The following APOB variants were observed in gnomAD, a reference collection of about 807,000 sequenced individuals.
APOB encodes apolipoprotein B-100.
A neutral mutation model predicts 314.1 loss-of-function variants in APOB; 153 were observed. The ratio of observed to expected loss-of-function variants is 0.49; its 90% CI spans 0.43 to 0.56. APOB has a LOEUF of 0.56. APOB is among the 20% of genes least tolerant of loss of function. The pLI, the probability that APOB is intolerant of heterozygous loss-of-function variation, is 0.00. For missense variants in APOB, 5,430 were observed against 5,350.7 expected, an observed-to-expected ratio of 1.01 and a Z score of -0.46; for synonymous variants, 2,087 against 2,036.4, an observed-to-expected ratio of 1.02 and a Z score of -0.67.
intron 4 of APOB, among the ~76,000 whole-genome samples, chr2:21,040,647 T>C (rs891252666): frequency 6.6e-6 from 1 of 152,170 alleles, no homozygotes; most frequent in Admixed American, 6.5e-5. Context: ...GACTAGTTCT[T>C]TAAATAAGAA....
At chr2:21,043,455 G>C in intron 2 of APOB, 58 bp downstream of exon 2, 1 of 1,560,078 alleles carries the variant, frequency 6.4e-7, no homozygotes, top group African/African-American at 1.4e-5. Context: ...AGGGACCCGG[G>C]TGTAGGAGAG....
At position 21,037,958 on chromosome 2, in the gene APOB, C is replaced by T; in HGVS notation, c.537G>A (p.Leu179=). 2 of 1,614,190 alleles carry T rather than the reference C, an allele frequency of 1.2e-6. No homozygotes were observed. The highest frequency in any genetic ancestry group is 1.7e-6 in the Non-Finnish European group (2 of 1,180,038). ...TGCTATCAGCTTTCTAAATCCTCAC[C>T]AGAAACAACACTTGCTTGGCTTCTT... The part of the protein sequence containing the change: ...ETEEAKQVLF[L]DTVYGNCSTH... The change falls in exon 5 of 29, where the codon CTG becomes CTA. Residue 179 remains leucine (L), a splice_region_variant and synonymous_variant. Transcript: ENST00000233242.
chr2:21,032,330 G>T, intron 10 of APOB, 24 bp downstream of exon 10: 1 of 1,600,460 alleles, frequency 6.2e-7, no homozygotes, highest in Non-Finnish European at 8.5e-7. Flanking sequence ...CTCCTAGGAG[G>T]AGAAATACAG....
At chr2:21,032,939 G>A (rs1222407700) in intron 9 of APOB, among the ~76,000 whole-genome samples, 1 of 152,056 alleles carries the variant, frequency 6.6e-6, no homozygotes, top group Non-Finnish European at 1.5e-5. Flanking sequence ...TGCCTTGAAG[G>A]GTAGAGAAAT....
In APOB at chr2:21,002,871, A is replaced by G. The variant is rs751074267; in HGVS notation, c.12551T>C (p.Met4184Thr). The change falls in exon 29 of 29, where the codon ATG (methionine) becomes ACG (threonine). Residue 4184 changes from methionine to threonine, a missense_variant. Around this residue, in one of 3 missense-constraint regions of APOB, gnomAD observed 3,281 missense variants for 3,171.0 expected, o/e 1.03. Transcript: ENST00000233242. Reference sequence around the variant, plus strand: ...TGAGTCAATCAGATGCTTGACTTTCATATGGAATTCTTGAGTAACTCGTAC... The same window carrying G: ...TGAGTCAATCAGATGCTTGACTTTCGTATGGAATTCTTGAGTAACTCGTAC... The part of the protein sequence containing the change: ...GLVRVTQEFH[M>T]KVKHLIDSLI... The G allele has an allele frequency of 6.2e-7, 1 of 1,613,616 alleles. No individual in the cohort carries two copies. Among genetic ancestry groups the G allele is most frequent in the Non-Finnish European group, 8.5e-7 (1 of 1,179,842 alleles).
In APOB at chr2:21,009,620, A is replaced by G. The variant is rs758575076; in HGVS notation, c.7248T>C (p.Val2416=). 1.9e-6 allele frequency: 3 copies of G among 1,613,912 alleles called. No homozygotes were observed. Among genetic ancestry groups the G allele is most frequent in the Non-Finnish European group, 2.5e-6 (3 of 1,179,876 alleles). ...TTATCAACATGTCAAGGAATTTGTTAACATCTTCAATGAATGTTTTAAAAG... is the reference window on the plus strand; with the variant it reads ...TTATCAACATGTCAAGGAATTTGTTGACATCTTCAATGAATGTTTTAAAAG... ...ELSFKTFIED[V]NKFLDMLIKK... is the part of the protein sequence containing the mutation. Residue 2416 remains valine, a synonymous_variant, in exon 26 of 29, where the codon GTT becomes GTC. Coordinates refer to ENST00000233242, the MANE Select transcript of APOB (RefSeq NM_000384.3).
At position 21,025,057 on chromosome 2, in the gene APOB, G is replaced by A. The variant is rs200524554; in HGVS notation, c.2312C>T (p.Pro771Leu). The stretch of plus-strand genomic sequence containing the variant: ...GATGCGGAGGTAGGCTCTGGCTTCC[G>A]GGACTTCTTTGGATTTCAAATCTTT... Reference protein sequence around the residue: ...LIKDLKSKEVPEARAYLRILG... With the variant: ...LIKDLKSKEVLEARAYLRILG... The change falls in exon 16 of 29, where the codon CCG becomes CTG. Residue 771 changes from proline (P) to leucine (L), a missense_variant. This residue lies in a region of APOB where 2,085 missense variants were observed against 2,079.7 expected (regional missense o/e 1.00). Coordinates refer to ENST00000233242, the MANE Select transcript of APOB (RefSeq NM_000384.3). The A allele has an allele frequency of 1.5e-5, 24 of 1,614,174 alleles. No individual in the cohort carries two copies. In the Middle Eastern group the frequency reaches 4.9e-4, roughly 33 times the overall value.
chr2:21,043,915 GCGC>G lies in APOB; in HGVS notation c.28_30del (p.Ala10del). ...AGCAGCAGCGCAGGCAGCGCCAGCA[GCGC>G]CAGCAGCGCGGGCCTCGGCGGGTCC... is the stretch of plus-strand genomic sequence containing the variant. On this transcript the variant is annotated inframe_deletion, in exon 1 of 29. Coordinates refer to ENST00000233242, the MANE Select transcript of APOB (RefSeq NM_000384.3). 7.1e-7 allele frequency: 1 copy of G among 1,411,632 alleles called. No homozygotes were observed. Among genetic ancestry groups the G allele is most frequent in the Admixed American group, 2.8e-5 (1 of 35,290 alleles). The allele number at this position is 1,411,632 out of a possible 1,614,324, so 87.4% of individuals were successfully genotyped here. A position where few individuals can be genotyped will look rare whatever the true frequency, so the allele number is the denominator to read the frequency against.
intron 21 of APOB, 144 bp downstream of exon 21, chr2:21,016,295 A>AG: frequency 1.6e-6 from 1 of 618,798 alleles, no homozygotes; most frequent in Non-Finnish European, 2.9e-6. Flanking sequence ...TCAAAAAAAA[A>AG]AAAAATTGTT....
chr2:21,033,602 G>GT, intron 8 of APOB, 84 bp from the exon 9 acceptor site: 1 of 1,160,728 alleles, frequency 8.6e-7, no homozygotes, highest in Non-Finnish European at 1.3e-6. Flanking sequence ...AAATTGTGGA[G>GT]TATCAGCACA....
Position 21,013,472 on chromosome 2 carries a change from A to C in APOB, c.3904T>G (p.Phe1302Val). The C allele has an allele frequency of 6.2e-7, 1 of 1,614,182 alleles. No individual in the cohort carries two copies. The highest frequency in any genetic ancestry group is 8.5e-7 in the Non-Finnish European group (1 of 1,180,012). Reference protein sequence around the residue: ...NSLKIEIPLPFGGKSSRDLKM... With the variant: ...NSLKIEIPLPVGGKSSRDLKM... ...AGATCTCTGGAGGATTTGCCACCAA[A>C]AGGCAAAGGAATCTCAATTTTCAAA... is the stretch of plus-strand genomic sequence containing the variant. Residue 1302 changes from phenylalanine (F) to valine (V), a missense_variant, in exon 25 of 29, where the codon TTT becomes GTT. Around this residue, in one of 3 missense-constraint regions of APOB, gnomAD observed 2,085 missense variants for 2,079.7 expected, o/e 1.00. Coordinates refer to ENST00000233242, the MANE Select transcript of APOB (RefSeq NM_000384.3).
chr2:21,016,112 A>G lies in APOB; in HGVS notation c.3332+327T>C, dbSNP rs150956240. ...AGACCATCCTGGTCAATATGGTGAA[A>G]CCCTGTCTCTACTAAAAATATAAAA... On this transcript the variant is annotated intron_variant, in intron 21 of 28. Coordinates refer to ENST00000233242, the MANE Select transcript of APOB (RefSeq NM_000384.3). 8.4e-3 allele frequency among the ~76,000 whole-genome samples: 1,279 copies of G among 152,076 alleles called. 3 individuals are homozygous for G. Among genetic ancestry groups the G allele is most frequent in the Middle Eastern group, 0.02 (6 of 294 alleles).
Position 21,001,525 on chromosome 2 carries a change from C to A in APOB, c.*205G>T. 1 of 541,302 alleles carries A rather than the reference C, an allele frequency of 1.8e-6. No homozygotes were observed. Among genetic ancestry groups the A allele is most frequent in the Non-Finnish European group, 3.2e-6 (1 of 311,268 alleles). The allele number at this position is 541,302 out of a possible 1,614,324, so 33.5% of individuals were successfully genotyped here. A position where few individuals can be genotyped will look rare whatever the true frequency, so the allele number is the denominator to read the frequency against. On this transcript the variant is annotated 3_prime_UTR_variant, in exon 29 of 29. Transcript: ENST00000233242. Reference sequence around the variant, plus strand: ...ATTTTCTTTAACTTGCAAAAAATGCCATCCTTCTGAGTTCAGAGACCTTCC... The same window carrying A: ...ATTTTCTTTAACTTGCAAAAAATGCAATCCTTCTGAGTTCAGAGACCTTCC...
At chr2:21,024,762 C>G in intron 16 of APOB, 171 bp downstream of exon 16, 1 of 744,176 alleles carries the variant, frequency 1.3e-6, no homozygotes, top group South Asian at 1.5e-5. Flanking sequence ...GTTAACATTT[C>G]CATGTGATCC....
rs745613307 is a variant in APOB at position 21,027,927 on chromosome 2, T to G, written c.1968A>C (p.Glu656Asp). 1.2e-6 allele frequency: 2 copies of G among 1,614,164 alleles called. No homozygotes were observed. Among genetic ancestry groups the G allele is most frequent in the Non-Finnish European group, 1.7e-6 (2 of 1,179,962 alleles). The change falls in exon 14 of 29, where the codon GAA becomes GAC. Residue 656 changes from glutamate (E) to aspartate (D), a missense_variant. Around this residue, in one of 3 missense-constraint regions of APOB, gnomAD observed 2,085 missense variants for 2,079.7 expected, o/e 1.00. Transcript: ENST00000233242. Reference protein sequence around the residue: ...PSLDPASAKIEGNLIFDPNNY... With the variant: ...PSLDPASAKIDGNLIFDPNNY... ...TATTTGGATCAAATATAAGATTCCC[T>G]TCTATTTTGGCTGAGGCTGGGTCAA...
At chr2:21,024,508 A>G (rs1663686043) in intron 16 of APOB, 1 of 293,758 alleles carries the variant, frequency 3.4e-6, no homozygotes, top group East Asian at 7.8e-5. Flanking sequence ...AGTCCCAGCT[A>G]CTTGGGAGGC....
chr2:21,030,749 C>CA (rs12720808), intron 10 of APOB, among the ~76,000 whole-genome samples: 21 of 151,838 alleles, frequency 1.4e-4, no homozygotes, highest in Non-Finnish European at 1.5e-5. Context: ...AACAACTCAA[C>CA]AAAAAAATCC....
chr2:21,038,925 A>AT (rs1399099556), intron 4 of APOB, among the ~76,000 whole-genome samples: 2 of 152,350 alleles, frequency 1.3e-5, no homozygotes, highest in East Asian at 1.9e-4. Context: ...GCTCTAACAG[A>AT]TTTTTTTAAA....
rs753380675 is a variant in APOB at position 21,030,011 on chromosome 2, G to C, written c.1357C>G (p.His453Asp). Residue 453 changes from histidine to aspartate, a missense_variant, in exon 11 of 29, where the codon CAT (histidine) becomes GAT (aspartate). His to Asp is a moderately conservative substitution (Grantham distance 81). Coordinates refer to ENST00000233242, the MANE Select transcript of APOB (RefSeq NM_000384.3). ...TGGGTCCCTGTAGGGTTTGTCTTAT[G>C]ATAGCTACAGAATAAGAGAAGAGAG... ...YALSHAVNNY[H>D]KTNPTGTQEL... The C allele has an allele frequency of 4.6e-5, 73 of 1,588,874 alleles. No individual in the cohort carries two copies. The highest frequency in any genetic ancestry group is 6.0e-5 in the Non-Finnish European group (69 of 1,157,122).
Sources: gnomAD v4.1 joint callset for allele counts (sites outside exome capture counted in the v4.1 genomes callset) on GRCh38, gnomAD v4.1.1 for gene constraint, gnomAD v4.1.1 regional missense constraint, MANE v1.5 for transcripts, NCBI Gene and HGNC (gene_info 2026-07-23, HGNC 2026-07-21) for gene names.